The following GDF5 variants were observed in gnomAD, a reference collection of about 807,000 sequenced individuals.
GDF5 encodes the protein growth/differentiation factor 5.
A neutral mutation model predicts 34.6 loss-of-function variants in GDF5; 17 were observed. That is an observed-to-expected ratio of 0.49 (90% confidence interval 0.34 to 0.74). The LOEUF (loss-of-function observed/expected upper bound fraction) is 0.74. Ranked by LOEUF, GDF5 falls within the 30% of genes least tolerant of loss-of-function variation. The probability of loss-of-function intolerance (pLI) is 0.01; values close to 1 mark genes in which losing one functional copy is unlikely to be tolerated. For missense variants in GDF5, 616 were observed against 661.2 expected (o/e 0.93, Z 0.75); for synonymous variants, 332 against 290.7 (o/e 1.14, Z -1.44).
chr20:35,436,589 A>C (rs2062473733), intron 1 of GDF5, among the ~76,000 whole-genome samples: 1 of 152,212 alleles, frequency 6.6e-6, no homozygotes, highest in South Asian at 2.1e-4. Context: ...GGGAGCAGGT[A>C]GTCTCTGGAG....
rs758791230 is a variant in GDF5 at position 35,433,924 on chromosome 20, C to G, written c.1491G>C (p.Ser497=). The change falls in exon 2 of 2, where the codon TCG becomes TCC. Residue 497 remains serine (S), a synonymous_variant. Transcript: ENST00000374369. ...GCCAGTGCTGCTACCTGCAGCCACA[C>G]GACTCCACGACCATGTCCTCATACT... ...YKQYEDMVVE[S]CGCR 1 of 1,613,846 alleles carries G rather than the reference C, an allele frequency of 6.2e-7. No homozygotes were observed. Among genetic ancestry groups the G allele is most frequent in the Non-Finnish European group, 8.5e-7 (1 of 1,179,764 alleles).
intron 1 of GDF5, among the ~76,000 whole-genome samples, chr20:35,448,115 C>G (rs1056035992): frequency 6.6e-6 from 1 of 152,102 alleles, no homozygotes; most frequent in African/African-American, 2.4e-5. Context: ...ACCCCAATCT[C>G]TCTAATCACA....
chr20:35,446,002 T>G (rs1348979334), intron 1 of GDF5, among the ~76,000 whole-genome samples: 1 of 141,092 alleles, frequency 7.1e-6, no homozygotes, highest in Non-Finnish European at 1.5e-5. Context: ...TAAATAAAAA[T>G]AAAACAATAA....
At chr20:35,448,416 AT>A (rs2062520789) in intron 1 of GDF5, among the ~76,000 whole-genome samples, 1 of 130,000 alleles carries the variant, frequency 7.7e-6, no homozygotes, top group African/African-American at 2.9e-5. Flanking sequence ...AAAAAAAAAT[AT>A]ATATATATAT....
rs184552794 is a variant in GDF5 at position 35,436,431 on chromosome 20, A to G, written c.631+867T>C. ...CCTAGGACCAGAGCAAATGAGCTGC[A>G]GGCAACTTGAGCGACCAACAGCCCA... On this transcript the variant is annotated intron_variant, in intron 1 of 1. Transcript: ENST00000374369. Among the ~76,000 whole-genome samples the G allele has an allele frequency of 3.4e-5, 5 of 148,108 alleles. 1 individual carries two copies. The highest frequency in any genetic ancestry group is 7.4e-5 in the African/African-American group (3 of 40,318).
At chr20:35,454,323 G>C (rs1009583200) in intron 1 of GDF5, among the ~76,000 whole-genome samples, 1 of 152,026 alleles carries the variant, frequency 6.6e-6, no homozygotes, top group Non-Finnish European at 1.5e-5. Flanking sequence ...GCGTGGTGGC[G>C]GGCGCCTGTA....
At chr20:35,449,486 A>G (rs2062524057) in intron 1 of GDF5, among the ~76,000 whole-genome samples, 1 of 152,168 alleles carries the variant, frequency 6.6e-6, no homozygotes, top group South Asian at 2.1e-4. Flanking sequence ...TAGTGGCCTG[A>G]TGCTGTGTAG....
rs752880147 is a variant in GDF5 at position 35,434,274 on chromosome 20, G to A, written c.1141C>T (p.Arg381Trp). The stretch of plus-strand genomic sequence containing the variant: ...CCCTGGCGAGTGGCCAGTGGGGCCC[G>A]CCGTTTTCGCCGCTGGCTGAACAGG... The part of the protein sequence containing the change: ...EYLFSQRRKR[R>W]APLATRQGKR... Residue 381 changes from arginine to tryptophan, a missense_variant, in exon 2 of 2, where the codon CGG becomes TGG. By Grantham distance (101) the Arg-to-Trp change is moderately radical. Coordinates refer to ENST00000374369, the MANE Select transcript of GDF5 (RefSeq NM_000557.5). 1.9e-6 allele frequency: 3 copies of A among 1,614,154 alleles called. No individual in the cohort carries two copies. The highest frequency in any genetic ancestry group is 1.1e-5 in the South Asian group (1 of 91,084).
intron 1 of GDF5, among the ~76,000 whole-genome samples, chr20:35,452,774 C>T (rs2062538389): frequency 6.6e-6 from 1 of 152,148 alleles, no homozygotes. Flanking sequence ...GATGTTATGT[C>T]ATTAAACTTT....
chr20:35,450,141 G>GA (rs397966517), intron 1 of GDF5, among the ~76,000 whole-genome samples: 1,316 of 126,144 alleles, frequency 0.01, 6 homozygotes, highest in Admixed American at 0.014. Context: ...CATCTCTACT[G>GA]AAAAAAAAAA....
In GDF5 at chr20:35,437,728, C is replaced by G. The variant is rs371869707; in HGVS notation, c.201G>C (p.Gly67=). ...CCCTGGCATTGGCATTGGTGGCCCCCCCACCATAGCTGTGACCCCCTGGCC... is the reference window on the plus strand; with the variant it reads ...CCCTGGCATTGGCATTGGTGGCCCCGCCACCATAGCTGTGACCCCCTGGCC... ...VFRPGGHSYG[G]GATNANARAK... is the part of the protein sequence containing the mutation. The change falls in exon 1 of 2, where the codon GGG becomes GGC. Residue 67 remains glycine (G), a synonymous_variant. Transcript: ENST00000374369. 6.2e-7 allele frequency: 1 copy of G among 1,613,562 alleles called. No individual in the cohort carries two copies. Among genetic ancestry groups the G allele is most frequent in the Non-Finnish European group, 8.5e-7 (1 of 1,179,728 alleles).
At chr20:35,449,762 T>C (rs557684588) in intron 1 of GDF5, among the ~76,000 whole-genome samples, 9 of 152,166 alleles carry the variant, frequency 5.9e-5, no homozygotes, top group South Asian at 4.1e-4. Flanking sequence ...AGTAGGAACA[T>C]TGCTTGATGC....
chr20:35,444,743 C>A (rs909313892), intron 1 of GDF5, among the ~76,000 whole-genome samples: 7 of 151,400 alleles, frequency 4.6e-5, no homozygotes, highest in Admixed American at 2.6e-4. Flanking sequence ...TACAGGTGCC[C>A]GTCACCATGC....
At chr20:35,450,500 G>T (rs1009188894) in intron 1 of GDF5, among the ~76,000 whole-genome samples, 5 of 152,014 alleles carry the variant, frequency 3.3e-5, no homozygotes, top group Non-Finnish European at 7.4e-5. Context: ...GGAAGATGGG[G>T]GTGGGAAAAG....
chr20:35,450,070 A>G (rs1310764088), intron 1 of GDF5, among the ~76,000 whole-genome samples: 1 of 150,686 alleles, frequency 6.6e-6, no homozygotes, highest in Non-Finnish European at 1.5e-5. Context: ...TGGGAAGCCG[A>G]GGTGGGCGGA....
upstream of GDF5, among the ~76,000 whole-genome samples, chr20:35,443,166 A>G (rs1162889916): frequency 6.6e-6 from 1 of 152,148 alleles, no homozygotes; most frequent in South Asian, 2.1e-4. Context: ...AGAGGAGCCC[A>G]GGGTTCCTGC....
At chr20:35,439,908 C>CTTTTTTTTT (rs34397706), upstream of GDF5, among the ~76,000 whole-genome samples, 1 of 71,634 alleles carries the variant, frequency 1.4e-5, no homozygotes. Context: ...AGGCTTCCTT[C>CTTTTTTTTT]TTTTTTTTTT....
At chr20:35,454,169 C>T (rs1047443623) in intron 1 of GDF5, 2 of 379,574 alleles carry the variant, frequency 5.3e-6, no homozygotes, top group African/African-American at 4.3e-5. Flanking sequence ...AATTTATACA[C>T]AAGGCCGGGC....
chr20:35,437,166 T>TC lies in GDF5; in HGVS notation c.631+131dup, dbSNP rs2062475544. The TC allele has an allele frequency of 4.4e-6, 3 of 686,234 alleles. No homozygotes were observed. In the East Asian group the frequency reaches 7.7e-5, roughly 18 times the overall value. 42.5% of individuals were successfully genotyped at this position (686,234 alleles called of 1,614,324 possible). On this transcript the variant is annotated intron_variant, in intron 1 of 1. Transcript: ENST00000374369. ...GCTATGTGTGAGATATGTGTCAGTG[T>TC]CCCCAGACACCCACCCCGGGCCAGA... is the stretch of plus-strand genomic sequence containing the variant.
Sources: allele counts gnomAD v4.1 joint callset (sites outside exome capture counted in the v4.1 genomes callset), GRCh38; gene constraint gnomAD v4.1.1; transcripts MANE v1.5; gene names NCBI Gene and HGNC (gene_info 2026-07-23, HGNC 2026-07-21).